The following PLPPR4 variants were observed in gnomAD, a reference collection of about 807,000 sequenced individuals.
PLPPR4 encodes phospholipid phosphatase related 4, also known as phospholipid phosphatase-related protein type 4.
PLPPR4 carries 24 observed loss-of-function variants against 56.6 expected under a neutral mutation model. The ratio of observed to expected loss-of-function variants is 0.42; its 90% CI spans 0.31 to 0.60. PLPPR4 has a LOEUF of 0.60. Among genes scored for constraint, PLPPR4 ranks in the 20% least tolerant of loss-of-function variants. The pLI, the probability that PLPPR4 is intolerant of heterozygous loss-of-function variation, is 0.13. For missense variants in PLPPR4, 654 were observed against 885.8 expected (o/e 0.74, Z 3.32); for synonymous variants, 326 against 328.1 (o/e 0.99, Z 0.07).
At chr1:99,295,691 G>A (rs998150734) in intron 2 of PLPPR4, among the ~76,000 whole-genome samples, 5 of 152,158 alleles carry the variant, frequency 3.3e-5, no homozygotes, top group Admixed American at 2.0e-4. Flanking sequence ...TGCTTCTGTT[G>A]TACAGAATAA....
At chr1:99,269,045 T>C (rs991828436) in intron 1 of PLPPR4, among the ~76,000 whole-genome samples, 3 of 152,156 alleles carry the variant, frequency 2.0e-5, no homozygotes, top group Non-Finnish European at 2.9e-5. Context: ...CCACCTATAT[T>C]AGGTATTTCT....
intron 1 of PLPPR4, 26 bp from the exon 2 acceptor site, chr1:99,287,939 T>G: frequency 6.3e-7 from 1 of 1,587,810 alleles, no homozygotes; most frequent in Non-Finnish European, 8.6e-7. Flanking sequence ...TAGAATAAAT[T>G]GATCTTCTTT....
rs780045396 is a variant in PLPPR4 at position 99,307,041 on chromosome 1, G to T, written c.*31G>T. ...GTCCATTCCATCATTAGGGCTACTCGCAAAAGACCATATGTTGATTCTACC... is the reference window on the plus strand; with the variant it reads ...GTCCATTCCATCATTAGGGCTACTCTCAAAAGACCATATGTTGATTCTACC... On this transcript the variant is annotated 3_prime_UTR_variant, in exon 7 of 7. Transcript: ENST00000370185. The T allele has an allele frequency of 4.0e-5, 62 of 1,549,026 alleles. No individual in the cohort carries two copies. The highest frequency in any genetic ancestry group is 2.0e-4 in the East Asian group (9 of 44,476).
Position 99,306,752 on chromosome 1 carries a change from C to G in PLPPR4, c.1890C>G (p.Asp630Glu). 6.2e-7 allele frequency: 1 copy of G among 1,614,048 alleles called. No individual in the cohort carries two copies. Among genetic ancestry groups the G allele is most frequent in the Non-Finnish European group, 8.5e-7 (1 of 1,179,994 alleles). The part of the protein sequence containing the change: ...RDSESCESLK[D>E]SFGSGDRKRS... ...CAGAAAGCTGTGAGTCTCTGAAAGA[C>G]AGCTTTGGTTCTGGAGATCGCAAGA... Residue 630 changes from aspartate to glutamate, a missense_variant, in exon 7 of 7, where the codon GAC becomes GAG. Asp to Glu is a conservative substitution (Grantham distance 45, BLOSUM62 2). This residue lies in a region of PLPPR4 where 468 missense variants were observed against 554.3 expected (regional missense o/e 0.84). Coordinates refer to ENST00000370185, the MANE Select transcript of PLPPR4 (RefSeq NM_014839.5). The surrounding 1 kb of genome is among the most constrained non-coding windows in gnomAD (Gnocchi z 4.0).
chr1:99,278,603 A>T (rs1457477583), intron 1 of PLPPR4, among the ~76,000 whole-genome samples: 4 of 152,194 alleles, frequency 2.6e-5, no homozygotes, highest in African/African-American at 9.6e-5. Flanking sequence ...AATGCTTTCC[A>T]AGACAATGCA....
chr1:99,288,952 A>C (rs1659545470), intron 2 of PLPPR4, among the ~76,000 whole-genome samples: 1 of 152,164 alleles, frequency 6.6e-6, no homozygotes, highest in African/African-American at 2.4e-5. Context: ...TATGTACATA[A>C]AGAAATGCTC....
intron 5 of PLPPR4, among the ~76,000 whole-genome samples, 186 bp from the exon 6 acceptor site, chr1:99,301,538 G>A (rs1659884284): frequency 6.6e-6 from 1 of 151,942 alleles, no homozygotes; most frequent in Admixed American, 6.6e-5. Flanking sequence ...TAATTAATTT[G>A]TTATTTATTT....
chr1:99,266,794 C>T (rs1658911336), intron 1 of PLPPR4, among the ~76,000 whole-genome samples: 1 of 152,178 alleles, frequency 6.6e-6, no homozygotes, highest in South Asian at 2.1e-4. Flanking sequence ...AAAGAGCCTC[C>T]AGAAAATGGG....
chr1:99,286,020 A>G (rs1398462111), intron 1 of PLPPR4, among the ~76,000 whole-genome samples: 2 of 152,226 alleles, frequency 1.3e-5, no homozygotes, highest in South Asian at 2.1e-4. Flanking sequence ...TGCCTAGCAC[A>G]TTCACACATG....
chr1:99,307,793 CTGT>C lies in PLPPR4; in HGVS notation c.*785_*787del, dbSNP rs1557785154. ...TTAAGTATAGGTACTGCTAATGAATCTGTTTTCTTAGTGAGTAAATTTGCATAA... is the reference window on the plus strand; with the variant it reads ...TTAAGTATAGGTACTGCTAATGAATCTTTCTTAGTGAGTAAATTTGCATAA... On this transcript the variant is annotated 3_prime_UTR_variant, in exon 7 of 7. Transcript: ENST00000370185. The C allele has an allele frequency of 1.3e-5, 2 of 152,130 alleles. No homozygotes were observed. The highest frequency in any genetic ancestry group is 4.8e-5 in the African/African-American group (2 of 41,434). 9.4% of individuals were successfully genotyped at this position (152,130 alleles called of 1,614,324 possible).
chr1:99,268,829 C>A (rs1317824813), intron 1 of PLPPR4, among the ~76,000 whole-genome samples: 1 of 152,034 alleles, frequency 6.6e-6, no homozygotes, highest in Non-Finnish European at 1.5e-5. Flanking sequence ...TTTATCATGC[C>A]CTTAAAGTTC....
At chr1:99,283,709 G>T (rs572376226) in intron 1 of PLPPR4, among the ~76,000 whole-genome samples, 2 of 152,162 alleles carry the variant, frequency 1.3e-5, no homozygotes, top group Non-Finnish European at 2.9e-5. Flanking sequence ...CCAGCACTTC[G>T]AGAGGCCAAG....
At position 99,276,934 on chromosome 1, in the gene PLPPR4, G is replaced by A. The variant is rs1412718897; in HGVS notation, c.79-11031G>A. ...CAAAATTGCCCATGTTTGGTGAGAG[G>A]GATGAGCATTGTTATGATGGAGAAG... On this transcript the variant is annotated intron_variant, in intron 1 of 6. Coordinates refer to ENST00000370185, the MANE Select transcript of PLPPR4 (RefSeq NM_014839.5). Among the ~76,000 whole-genome samples, 4 of 152,098 alleles carry A rather than the reference G, an allele frequency of 2.6e-5. No homozygotes were observed. In the South Asian group the frequency reaches 6.2e-4, roughly 24 times the overall value.
chr1:99,304,713 G>C (rs554109741), intron 6 of PLPPR4, among the ~76,000 whole-genome samples: 1 of 152,282 alleles, frequency 6.6e-6, no homozygotes, highest in African/African-American at 2.4e-5. Context: ...TCATTGTTAA[G>C]CATTCTATAA....
At chr1:99,284,220 A>G (rs1002987637) in intron 1 of PLPPR4, among the ~76,000 whole-genome samples, 1 of 152,232 alleles carries the variant, frequency 6.6e-6, no homozygotes, top group Admixed American at 6.5e-5. Context: ...TGAGCATTTC[A>G]AAAGATAAAA....
At chr1:99,278,280 A>G (rs1280408918) in intron 1 of PLPPR4, among the ~76,000 whole-genome samples, 1 of 152,008 alleles carries the variant, frequency 6.6e-6, no homozygotes, top group East Asian at 1.9e-4. Flanking sequence ...CTTACTGTAT[A>G]ACCTCATACA....
chr1:99,304,740 T>A (rs1397578630), intron 6 of PLPPR4, among the ~76,000 whole-genome samples: 1 of 152,198 alleles, frequency 6.6e-6, no homozygotes, highest in Non-Finnish European at 1.5e-5. Flanking sequence ...AAATCAATAT[T>A]TTTTTGTTTT....
intron 1 of PLPPR4, among the ~76,000 whole-genome samples, chr1:99,277,622 A>G (rs1050196290): frequency 6.6e-6 from 1 of 152,086 alleles, no homozygotes; most frequent in African/African-American, 2.4e-5. Flanking sequence ...CAAATTATCA[A>G]TGATTTTGCC....
At chr1:99,290,706 T>G (rs1219171106) in intron 2 of PLPPR4, among the ~76,000 whole-genome samples, 1 of 152,134 alleles carries the variant, frequency 6.6e-6, no homozygotes, top group Non-Finnish European at 1.5e-5. Flanking sequence ...GATTCCCTAT[T>G]CAATAAATGA....
Sources: allele counts gnomAD v4.1 joint callset (sites outside exome capture counted in the v4.1 genomes callset), GRCh38; gene constraint gnomAD v4.1.1; regional missense constraint gnomAD v4.1.1; non-coding constraint Gnocchi (gnomAD v3.1); transcripts MANE v1.5; gene names NCBI Gene and HGNC (gene_info 2026-07-23, HGNC 2026-07-21).